The following DSCAML1 variants were observed in gnomAD, a reference collection of about 807,000 sequenced individuals.
DSCAML1 encodes the protein DS cell adhesion molecule like 1, also known as cell adhesion molecule DSCAML1.
Under a neutral mutation model 200.5 loss-of-function variants are expected in DSCAML1, and 38 were observed. That is an observed-to-expected ratio of 0.19 (90% CI 0.15 to 0.25). The LOEUF (loss-of-function observed/expected upper bound fraction) is 0.25, where lower values mean the gene tolerates loss of function less well. DSCAML1 is among the 10% of genes least tolerant of loss of function. DSCAML1 has a pLI of 1.00. For synonymous variants in DSCAML1, 1,215 were observed against 1,165.0 expected (o/e 1.04, Z -0.87); for missense variants, 2,223 against 2,858.8 (o/e 0.78, Z 5.07).
At chr11:117,709,399 G>GT (rs2053804522) in intron 3 of DSCAML1, among the ~76,000 whole-genome samples, 1 of 152,126 alleles carries the variant, frequency 6.6e-6, no homozygotes, top group Non-Finnish European at 1.5e-5. Flanking sequence ...GAGCTCTATG[G>GT]TATCTCTTCC....
intron 5 of DSCAML1, among the ~76,000 whole-genome samples, chr11:117,522,902 C>A (rs1039358068): frequency 2.0e-4 from 31 of 152,286 alleles, no homozygotes; most frequent in African/African-American, 7.0e-4. Context: ...TCCCCTTGAA[C>A]CTTGGTGGTC....
chr11:117,499,820 C>G (rs2049362528), intron 11 of DSCAML1, among the ~76,000 whole-genome samples: 1 of 152,206 alleles, frequency 6.6e-6, no homozygotes. Flanking sequence ...AAACCACTTG[C>G]CTGCTCTAAT....
chr11:117,677,611 G>T (rs1020053641), intron 3 of DSCAML1, among the ~76,000 whole-genome samples: 1 of 152,154 alleles, frequency 6.6e-6, no homozygotes, highest in African/African-American at 2.4e-5. Context: ...CTGGAGGGCT[G>T]CAGGACCATG....
intron 3 of DSCAML1, among the ~76,000 whole-genome samples, chr11:117,607,564 G>T (rs910390009): frequency 6.6e-6 from 1 of 152,226 alleles, no homozygotes; most frequent in Non-Finnish European, 1.5e-5. Context: ...AGGCAGGGCT[G>T]TGGAGGCACC....
At position 117,437,311 on chromosome 11, in the gene DSCAML1, T is replaced by A. The variant is rs767977526; in HGVS notation, c.4531A>T (p.Thr1511Ser). 5.6e-6 allele frequency: 9 copies of A among 1,614,066 alleles called. No individual in the cohort carries two copies. The highest frequency in any genetic ancestry group is 4.2e-6 in the Non-Finnish European group (5 of 1,180,042). Reference sequence around the variant, plus strand: ...GGCCGGTACTCCAGAACGATGGCTGTGATAGGGCAGCCCCCATTGTTCCAG... The same window carrying A: ...GGCCGGTACTCCAGAACGATGGCTGAGATAGGGCAGCCCCCATTGTTCCAG... ...QGWNNGGCPI[T>S]AIVLEYRPKG... Residue 1511 changes from threonine to serine, a missense_variant, in exon 26 of 33, where the codon ACA (threonine) becomes TCA (serine). By Grantham distance (58) the Thr-to-Ser change is moderately conservative. Transcript: ENST00000651296. This position sits in a 1 kb window ranked among gnomAD's most constrained non-coding sequence, Gnocchi z 5.3.
At chr11:117,492,830 C>T (rs1049384766) in intron 11 of DSCAML1, among the ~76,000 whole-genome samples, 1 of 152,194 alleles carries the variant, frequency 6.6e-6, no homozygotes, top group Non-Finnish European at 1.5e-5. Context: ...CCTTCTGGTG[C>T]CTGTTTTGTT....
intron 3 of DSCAML1, among the ~76,000 whole-genome samples, chr11:117,672,523 A>G (rs1418730336): frequency 1.3e-5 from 2 of 152,216 alleles, no homozygotes; most frequent in Non-Finnish European, 2.9e-5. Flanking sequence ...GCCATCACTC[A>G]GGGAATTCAA....
intron 11 of DSCAML1, among the ~76,000 whole-genome samples, chr11:117,494,464 G>A (rs2049252449): frequency 6.6e-6 from 1 of 152,182 alleles, no homozygotes; most frequent in Admixed American, 6.5e-5. Flanking sequence ...TTTTTGGCTA[G>A]GAAACTATTT....
chr11:117,622,313 G>A (rs2051950184), intron 3 of DSCAML1, among the ~76,000 whole-genome samples: 1 of 152,228 alleles, frequency 6.6e-6, no homozygotes, highest in Non-Finnish European at 1.5e-5. Context: ...AAGAAGCTGA[G>A]AAGCCGCCAT....
At chr11:117,574,542 C>T (rs910156726) in intron 3 of DSCAML1, among the ~76,000 whole-genome samples, 1 of 152,204 alleles carries the variant, frequency 6.6e-6, no homozygotes, top group East Asian at 1.9e-4. Flanking sequence ...CTTTAGCATT[C>T]ACCAGTGGAC....
At chr11:117,543,820 TG>T (rs1426562974) in intron 3 of DSCAML1, among the ~76,000 whole-genome samples, 6 of 151,914 alleles carry the variant, frequency 3.9e-5, no homozygotes, top group Admixed American at 6.6e-5. Context: ...TTGTTTGTTT[TG>T]TTTTTTTTAA....
chr11:117,521,344 G>A lies in DSCAML1; in HGVS notation c.999C>T (p.Ile333=). 2 of 1,614,196 alleles carry A rather than the reference G, an allele frequency of 1.2e-6. No individual in the cohort carries two copies. Among genetic ancestry groups the A allele is most frequent in the South Asian group, 2.2e-5 (2 of 91,084 alleles). Residue 333 remains isoleucine (I), a synonymous_variant, in exon 6 of 33, where the codon ATC becomes ATT. Coordinates refer to ENST00000651296, the MANE Select transcript of DSCAML1 (RefSeq NM_020693.4). ...KLKTGIGSTV[I]LSCALTGSPE... ...GGGAGCCCGTCAGGGCACAGGAGAGGATGACCGTGCTGCCAATGCCGGTCT... is the reference window on the plus strand; with the variant it reads ...GGGAGCCCGTCAGGGCACAGGAGAGAATGACCGTGCTGCCAATGCCGGTCT...
intron 14 of DSCAML1, among the ~76,000 whole-genome samples, chr11:117,479,472 AC>A (rs2137206809): frequency 6.6e-6 from 1 of 152,284 alleles, no homozygotes; most frequent in East Asian, 1.9e-4. Context: ...CTGTGAAGCC[AC>A]CCAGGTGCAC....
chr11:117,644,130 G>A (rs377731769), intron 3 of DSCAML1, among the ~76,000 whole-genome samples: 5 of 152,198 alleles, frequency 3.3e-5, no homozygotes, highest in Non-Finnish European at 7.3e-5. Flanking sequence ...GCTCAGGGCC[G>A]CCCGGTCGGC....
At chr11:117,636,191 C>T (rs542675907) in intron 3 of DSCAML1, among the ~76,000 whole-genome samples, 42 of 152,114 alleles carry the variant, frequency 2.8e-4, no homozygotes, top group Non-Finnish European at 4.4e-4. Context: ...GAGGAAAAAC[C>T]GAGCCTTTCA....
At chr11:117,558,014 G>C (rs757181902) in intron 3 of DSCAML1, among the ~76,000 whole-genome samples, 1 of 152,114 alleles carries the variant, frequency 6.6e-6, no homozygotes, top group Admixed American at 6.6e-5. Flanking sequence ...GAATGATCAG[G>C]TCCAAAATGT....
intron 3 of DSCAML1, among the ~76,000 whole-genome samples, chr11:117,579,778 T>C (rs1251083205): frequency 6.6e-6 from 1 of 152,234 alleles, no homozygotes; most frequent in Non-Finnish European, 1.5e-5. Flanking sequence ...GCTTGGCACA[T>C]TGTAGATGCT....
Position 117,428,240 on chromosome 11 carries a change from G to T in DSCAML1, c.*88C>A. 1 of 792,616 alleles carries T rather than the reference G, an allele frequency of 1.3e-6. No homozygotes were observed. The highest frequency in any genetic ancestry group is 2.1e-6 in the Non-Finnish European group (1 of 469,926). 49.1% of individuals were successfully genotyped at this position (792,616 alleles called of 1,614,324 possible). On this transcript the variant is annotated 3_prime_UTR_variant, in exon 33 of 33. Coordinates refer to ENST00000651296, the MANE Select transcript of DSCAML1 (RefSeq NM_020693.4). ...GTTGGTTGGTTTTTGTCTGTCAGTT[G>T]AATATAAATAATGCAGAAAAACAGC...
At chr11:117,785,517 T>C (rs1177247691) in intron 1 of DSCAML1, among the ~76,000 whole-genome samples, 4 of 151,868 alleles carry the variant, frequency 2.6e-5, no homozygotes, top group African/African-American at 9.7e-5. Flanking sequence ...ACCAGCTGGA[T>C]TGAGGAGTTT....
Sources: gnomAD v4.1 joint callset for allele counts (sites outside exome capture counted in the v4.1 genomes callset) on GRCh38, gnomAD v4.1.1 for gene constraint, Gnocchi (gnomAD v3.1) non-coding constraint, MANE v1.5 for transcripts, NCBI Gene and HGNC (gene_info 2026-07-23, HGNC 2026-07-21) for gene names.